Variants in UXS1 observed in about 807,000 individuals in gnomAD.
UXS1 encodes UDP-glucuronate decarboxylase 1.
UXS1 carries 33 observed loss-of-function variants against 62.6 expected under a neutral mutation model. The observed-to-expected ratio is 0.53, with a 90% CI of 0.40 to 0.70. The LOEUF (loss-of-function observed/expected upper bound fraction) is 0.70, where lower values mean the gene tolerates loss of function less well. Among genes scored for constraint, UXS1 ranks in the 30% least tolerant of loss-of-function variants. UXS1 has a pLI of 0.00. For synonymous variants in UXS1, 213 were observed against 206.8 expected, an observed-to-expected ratio of 1.03 and a Z score of -0.26; for missense variants, 434 against 556.3, an observed-to-expected ratio of 0.78 and a Z score of 2.21.
chr2:106,109,315 T>C (rs1017019928), intron 10 of UXS1, among the ~76,000 whole-genome samples: 1 of 152,214 alleles, frequency 6.6e-6, no homozygotes, highest in African/African-American at 2.4e-5. Context: ...GAAGGCCCAA[T>C]GTAAGAATCA....
intron 1 of UXS1, among the ~76,000 whole-genome samples, chr2:106,178,391 C>A (rs1652590903): frequency 6.6e-6 from 1 of 152,066 alleles, no homozygotes; most frequent in Non-Finnish European, 1.5e-5. Context: ...ATATTATGTT[C>A]TTTATAACAA....
At chr2:106,106,155 G>A (rs1468501217) in intron 10 of UXS1, among the ~76,000 whole-genome samples, 1 of 152,206 alleles carries the variant, frequency 6.6e-6, no homozygotes, top group African/African-American at 2.4e-5. Context: ...ACCGGAGGTC[G>A]GGAGTTCGAC....
chr2:106,160,034 A>C (rs1477221954), intron 4 of UXS1: 1 of 152,250 alleles, frequency 6.6e-6, no homozygotes, highest in Non-Finnish European at 1.5e-5. Context: ...GCCCATAGGA[A>C]GTGCCTCAGG....
chr2:106,142,326 CTCAT>C (rs2104985440), intron 6 of UXS1, among the ~76,000 whole-genome samples: 1 of 152,340 alleles, frequency 6.6e-6, no homozygotes, highest in East Asian at 1.9e-4. Flanking sequence ...TCTCTTCCAT[CTCAT>C]TCTTTATCAA....
rs550592105 is a variant in UXS1, at chr2:106,187,841, C to A, written c.94+6307G>T. On this transcript the variant is annotated intron_variant, in intron 1 of 14. Coordinates refer to ENST00000283148, the MANE Select transcript of UXS1 (RefSeq NM_001253875.2). Reference sequence around the variant, plus strand: ...ACTGCAATTTCCGCCTCCGGGTTCACGAGATTCTCCTGCCTCAGCCTCCTG... The same window carrying A: ...ACTGCAATTTCCGCCTCCGGGTTCAAGAGATTCTCCTGCCTCAGCCTCCTG... Among the ~76,000 whole-genome samples, 7 of 151,810 alleles carry A rather than the reference C, an allele frequency of 4.6e-5. No individual in the cohort carries two copies. In the East Asian group the frequency reaches 1.4e-3, roughly 30 times the overall value.
At chr2:106,117,274 C>A (rs902811797) in intron 9 of UXS1, among the ~76,000 whole-genome samples, 3 of 152,182 alleles carry the variant, frequency 2.0e-5, no homozygotes, top group African/African-American at 7.2e-5. Context: ...AATTATCTTG[C>A]TTTTATTAAT....
chr2:106,148,968 G>A (rs1445222341), intron 5 of UXS1, among the ~76,000 whole-genome samples: 1 of 152,222 alleles, frequency 6.6e-6, no homozygotes, highest in African/African-American at 2.4e-5. Flanking sequence ...CCAATAGGCA[G>A]CTAAAGTGGT....
chr2:106,157,898 GA>G (rs1446098258), intron 5 of UXS1, among the ~76,000 whole-genome samples, 159 bp downstream of exon 5: 1 of 152,152 alleles, frequency 6.6e-6, no homozygotes, highest in African/African-American at 2.4e-5. Flanking sequence ...GGGTGATGAA[GA>G]AACTGTGGAA....
At chr2:106,122,869 A>C in intron 9 of UXS1, 101 bp downstream of exon 9, 2 of 1,499,790 alleles carry the variant, frequency 1.3e-6, no homozygotes, top group African/African-American at 1.4e-5. Context: ...ACCTATCCCC[A>C]GACAAAATCA....
At position 106,094,237 on chromosome 2, in the gene UXS1, G is replaced by A. The variant is rs1676896130; in HGVS notation, c.1147-80C>T. 2.5e-6 allele frequency: 4 copies of A among 1,599,414 alleles called. No homozygotes were observed. In the East Asian group the frequency reaches 6.8e-5, roughly 27 times the overall value. On this transcript the variant is annotated intron_variant, in intron 14 of 14. Transcript: ENST00000283148. ...CGCAGGAAGGAAGTGCCACCTTGCA[G>A]GAAGGAAGTGCCACCTTGCAGCCAG... is the stretch of plus-strand genomic sequence containing the variant.
chr2:106,137,633 TA>T (rs1053459420), intron 6 of UXS1, among the ~76,000 whole-genome samples: 379 of 140,892 alleles, frequency 2.7e-3, no homozygotes, highest in African/African-American at 2.9e-3. Context: ...ACTAAAAATA[TA>T]AAAAAAAAAA....
intron 1 of UXS1, among the ~76,000 whole-genome samples, chr2:106,193,918 T>A (rs754724300): frequency 2.6e-5 from 4 of 151,392 alleles, no homozygotes; most frequent in Non-Finnish European, 5.9e-5. Context: ...TAGGGGCCCC[T>A]CCGCCCGGGG....
At chr2:106,113,125 C>T (rs911847990) in intron 9 of UXS1, among the ~76,000 whole-genome samples, 3 of 152,086 alleles carry the variant, frequency 2.0e-5, no homozygotes, top group African/African-American at 7.2e-5. Context: ...TATGAATATG[C>T]TTTTCTAATC....
rs181895241 is a variant in UXS1 at position 106,120,050 on chromosome 2, C to A, written c.759+2920G>T. 6.5e-4 allele frequency among the ~76,000 whole-genome samples: 99 copies of A among 152,256 alleles called. No individual in the cohort carries two copies. The East Asian group carries it at 0.011, about 17-fold the overall frequency. ...CTCCTTTGCGCAGAGAGGAAAGGCACCATTTTCCTCCCTCCTCAGCACCCA... is the reference window on the plus strand; with the variant it reads ...CTCCTTTGCGCAGAGAGGAAAGGCAACATTTTCCTCCCTCCTCAGCACCCA... On this transcript the variant is annotated intron_variant, in intron 9 of 14. Transcript: ENST00000283148.
At chr2:106,171,717 C>T (rs1394942671) in intron 1 of UXS1, among the ~76,000 whole-genome samples, 2 of 152,212 alleles carry the variant, frequency 1.3e-5, no homozygotes, top group Non-Finnish European at 2.9e-5. Flanking sequence ...GGCAAAATCA[C>T]CATTTCCGTT....
At chr2:106,156,836 G>A (rs1048764898) in intron 5 of UXS1, among the ~76,000 whole-genome samples, 4 of 152,190 alleles carry the variant, frequency 2.6e-5, no homozygotes, top group East Asian at 3.9e-4. Flanking sequence ...CTGAATCCAC[G>A]GATAAGGAAA....
intron 9 of UXS1, among the ~76,000 whole-genome samples, chr2:106,115,624 A>C (rs751075481): frequency 1.4e-4 from 22 of 152,200 alleles, no homozygotes; most frequent in Non-Finnish European, 2.5e-4. Flanking sequence ...AGGGACCTGC[A>C]AAGGGTGGAG....
chr2:106,140,725 G>A (rs993636525), intron 6 of UXS1, among the ~76,000 whole-genome samples: 25 of 152,182 alleles, frequency 1.6e-4, no homozygotes, highest in African/African-American at 5.8e-4. Flanking sequence ...CATAAACAGC[G>A]ATTAGAATAG....
chr2:106,139,284 G>GAA (rs1241331428), intron 6 of UXS1, among the ~76,000 whole-genome samples: 1 of 152,172 alleles, frequency 6.6e-6, no homozygotes, highest in Non-Finnish European at 1.5e-5. Context: ...AGCTCAGCTA[G>GAA]AAAAATAGAA....
Sources: gnomAD v4.1 joint callset for allele counts (sites outside exome capture counted in the v4.1 genomes callset) on GRCh38, gnomAD v4.1.1 for gene constraint, MANE v1.5 for transcripts, NCBI Gene and HGNC (gene_info 2026-07-23, HGNC 2026-07-21) for gene names.